Variants in SIK2 observed in about 807,000 individuals in gnomAD.
SIK2 encodes salt inducible kinase 2.
Under a neutral mutation model 103.2 loss-of-function variants are expected in SIK2, and 29 were observed. That is an observed-to-expected ratio of 0.28 (90% CI 0.21 to 0.38). The LOEUF (loss-of-function observed/expected upper bound fraction) is 0.38, where lower values mean the gene tolerates loss of function less well. Among genes scored for constraint, SIK2 ranks in the 10% least tolerant of loss-of-function variants. The pLI, the probability that SIK2 is intolerant of heterozygous loss-of-function variation, is 1.00. For missense variants in SIK2, 879 were observed against 1,171.0 expected (o/e 0.75, Z 3.64); for synonymous variants, 412 against 446.1 (o/e 0.92, Z 0.96).
At chr11:111,718,106 C>G (rs903491816) in intron 9 of SIK2, among the ~76,000 whole-genome samples, 2 of 152,188 alleles carry the variant, frequency 1.3e-5, no homozygotes, top group African/African-American at 4.8e-5. Flanking sequence ...GCTTATATGG[C>G]TTATCCTATA....
At chr11:111,692,338 G>A (rs1463112450) in intron 4 of SIK2, among the ~76,000 whole-genome samples, 4 of 91,326 alleles carry the variant, frequency 4.4e-5, no homozygotes, top group South Asian at 4.0e-4. Context: ...GCAACAGAGC[G>A]AGACTCAGTC....
intron 3 of SIK2, among the ~76,000 whole-genome samples, chr11:111,627,925 C>T (rs1442541557): frequency 2.0e-5 from 3 of 152,120 alleles, no homozygotes; most frequent in African/African-American, 4.8e-5. Flanking sequence ...TCTTAATTAG[C>T]GAATCCTTCA....
intron 3 of SIK2, among the ~76,000 whole-genome samples, chr11:111,648,643 T>A (rs532400088): frequency 6.6e-6 from 1 of 151,940 alleles, no homozygotes; most frequent in Admixed American, 6.6e-5. Flanking sequence ...TATATATATT[T>A]CATGTATATA....
At chr11:111,617,651 A>G (rs1941825180) in intron 2 of SIK2, among the ~76,000 whole-genome samples, 1 of 152,232 alleles carries the variant, frequency 6.6e-6, no homozygotes, top group Non-Finnish European at 1.5e-5. Context: ...CAGTATGTGC[A>G]TTCAAATAGA....
At chr11:111,717,415 A>C (rs552230985) in intron 9 of SIK2, among the ~76,000 whole-genome samples, 1 of 152,042 alleles carries the variant, frequency 6.6e-6, no homozygotes, top group African/African-American at 2.4e-5. Flanking sequence ...GCCAGTCAGA[A>C]TGGCAATTAT....
At chr11:111,700,245 A>C (rs1943181890) in intron 4 of SIK2, among the ~76,000 whole-genome samples, 1 of 152,182 alleles carries the variant, frequency 6.6e-6, no homozygotes, top group African/African-American at 2.4e-5. Context: ...TTGAACTATA[A>C]TGCCACTGCG....
chr11:111,720,978 G>T lies in SIK2; in HGVS notation c.1860G>T (p.Leu620Phe), dbSNP rs1943782160. 1 of 1,614,184 alleles carries T rather than the reference G, an allele frequency of 6.2e-7. No homozygotes were observed. Among genetic ancestry groups the T allele is most frequent in the East Asian group, 2.2e-5 (1 of 44,882 alleles). The part of the protein sequence containing the change: ...GILELNKVQL[L>F]YEQIGPEADP... ...TAGAGTTGAACAAAGTGCAGTTGTT[G>T]TATGAACAAATAGGACCGGAGGCAG... Residue 620 changes from leucine to phenylalanine, a missense_variant, in exon 12 of 15, where the codon TTG (leucine) becomes TTT (phenylalanine). By Grantham distance (22) the Leu-to-Phe change is conservative. Transcript: ENST00000304987.
At chr11:111,721,244 C>T (rs978161622) in intron 12 of SIK2, among the ~76,000 whole-genome samples, 182 bp downstream of exon 12, 1 of 152,178 alleles carries the variant, frequency 6.6e-6, no homozygotes, top group Non-Finnish European at 1.5e-5. Context: ...AACCCATCCA[C>T]GCTGCTTCCA....
At chr11:111,608,567 G>A (rs1196986917) in intron 1 of SIK2, among the ~76,000 whole-genome samples, 1 of 152,100 alleles carries the variant, frequency 6.6e-6, no homozygotes, top group Non-Finnish European at 1.5e-5. Flanking sequence ...TGTCATGTAT[G>A]CATATAATCT....
chr11:111,649,152 A>G (rs1219143178), intron 3 of SIK2, among the ~76,000 whole-genome samples: 1 of 152,192 alleles, frequency 6.6e-6, no homozygotes, highest in Non-Finnish European at 1.5e-5. Context: ...AGATAGTGTC[A>G]CATAGTTTCA....
intron 3 of SIK2, among the ~76,000 whole-genome samples, chr11:111,681,916 T>C (rs1942782707): frequency 6.6e-6 from 1 of 152,182 alleles, no homozygotes; most frequent in Non-Finnish European, 1.5e-5. Flanking sequence ...GATACTTCTT[T>C]AAGAAATATG....
At chr11:111,667,448 GA>G (rs1942560267) in intron 3 of SIK2, among the ~76,000 whole-genome samples, 1 of 148,336 alleles carries the variant, frequency 6.7e-6, no homozygotes, top group Non-Finnish European at 1.5e-5. Flanking sequence ...AAATATGTAA[GA>G]TTTTTAAATG....
chr11:111,650,365 A>G (rs908912870), intron 3 of SIK2, among the ~76,000 whole-genome samples: 1 of 152,094 alleles, frequency 6.6e-6, no homozygotes, highest in Non-Finnish European at 1.5e-5. Context: ...TGAAAGCTTT[A>G]GGGAGAATTT....
intron 3 of SIK2, among the ~76,000 whole-genome samples, chr11:111,630,274 A>C (rs1942019842): frequency 6.6e-6 from 1 of 152,186 alleles, no homozygotes; most frequent in Non-Finnish European, 1.5e-5. Flanking sequence ...AACAGTCAAC[A>C]CTAATGGATA....
chr11:111,653,691 C>A (rs1302084512), intron 3 of SIK2, among the ~76,000 whole-genome samples: 1 of 152,202 alleles, frequency 6.6e-6, no homozygotes, highest in Non-Finnish European at 1.5e-5. Flanking sequence ...TCAGTTGTGG[C>A]ACCAGGACGG....
chr11:111,682,810 G>C (rs1047544292), intron 3 of SIK2, among the ~76,000 whole-genome samples: 20 of 152,296 alleles, frequency 1.3e-4, no homozygotes, highest in African/African-American at 4.8e-4. Flanking sequence ...TCATCACAGT[G>C]TATTGTAATT....
intron 7 of SIK2, 152 bp downstream of exon 7, chr11:111,703,575 A>G: frequency 3.1e-6 from 2 of 655,028 alleles, no homozygotes; most frequent in Non-Finnish European, 5.1e-6. Flanking sequence ...CTCTATTTAT[A>G]TTTGCTTTTA....
At chr11:111,700,249 C>T (rs898916369) in intron 4 of SIK2, among the ~76,000 whole-genome samples, 1 of 152,046 alleles carries the variant, frequency 6.6e-6, no homozygotes, top group African/African-American at 2.4e-5. Context: ...ACTATAATGC[C>T]ACTGCGATCC....
chr11:111,638,681 A>T (rs1942141967), intron 3 of SIK2, among the ~76,000 whole-genome samples: 1 of 152,108 alleles, frequency 6.6e-6, no homozygotes, highest in Non-Finnish European at 1.5e-5. Flanking sequence ...GATAGTAAAC[A>T]TATATATTTA....
Sources: allele counts gnomAD v4.1 joint callset (sites outside exome capture counted in the v4.1 genomes callset), GRCh38; gene constraint gnomAD v4.1.1; transcripts MANE v1.5; gene names NCBI Gene and HGNC (gene_info 2026-07-23, HGNC 2026-07-21).